TBC1D32: variants seen among roughly 807,000 people sequenced by gnomAD.
TBC1D32 encodes the protein TBC1 domain family member 32, also known as protein broad-minded.
Under a neutral mutation model 170.3 loss-of-function variants are expected in TBC1D32, and 151 were observed. That is an observed-to-expected ratio of 0.89 (90% CI 0.78 to 1.01). The LOEUF is 1.01. Ranked by LOEUF, TBC1D32 falls within the 50% of genes least tolerant of loss-of-function variation. The pLI, the probability that TBC1D32 is intolerant of heterozygous loss-of-function variation, is 0.00. For missense variants in TBC1D32, 1,464 were observed against 1,457.1 expected, an observed-to-expected ratio of 1.00 and a Z score of -0.08; for synonymous variants, 498 against 488.0, an observed-to-expected ratio of 1.02 and a Z score of -0.27.
intron 21 of TBC1D32, among the ~76,000 whole-genome samples, chr6:121,218,694 T>G (rs559351403): frequency 1.2e-4 from 19 of 152,264 alleles, no homozygotes; most frequent in African/African-American, 4.3e-4. Flanking sequence ...GAGAGATATA[T>G]CCTATTAGTT....
chr6:121,204,614 A>C (rs17083281), intron 22 of TBC1D32, among the ~76,000 whole-genome samples: 6,268 of 151,374 alleles, frequency 0.041, 626 homozygotes, highest in African/African-American at 0.13. Context: ...TAAAATGTCA[A>C]GGAATATGAA....
At chr6:121,257,639 G>C (rs1475680246) in intron 15 of TBC1D32, among the ~76,000 whole-genome samples, 1 of 152,110 alleles carries the variant, frequency 6.6e-6, no homozygotes, top group Non-Finnish European at 1.5e-5. Flanking sequence ...ATACTAACAA[G>C]TTGGTGTCCT....
intron 12 of TBC1D32, among the ~76,000 whole-genome samples, chr6:121,290,636 A>C (rs996601993): frequency 1.3e-5 from 2 of 152,290 alleles, no homozygotes; most frequent in East Asian, 1.9e-4. Flanking sequence ...TTGACCCAGC[A>C]GTCCCATTAC....
At chr6:121,198,226 AATATATATAAATATATATATT>A (rs1413778922) in intron 22 of TBC1D32, among the ~76,000 whole-genome samples, 64 of 59,340 alleles carry the variant, frequency 1.1e-3, no homozygotes, top group Middle Eastern at 0.023. Context: ...ATGTGTGTAT[AATATATATAAATATATATATT>A]ATATATATAT....
At chr6:121,110,118 G>A (rs1779060961) in intron 29 of TBC1D32, among the ~76,000 whole-genome samples, 1 of 151,656 alleles carries the variant, frequency 6.6e-6, no homozygotes, top group South Asian at 2.1e-4. Flanking sequence ...GGGCGTGGTG[G>A]CAGGCACCTG....
intron 20 of TBC1D32, among the ~76,000 whole-genome samples, chr6:121,228,720 G>A (rs1392415493): frequency 6.6e-6 from 1 of 152,046 alleles, no homozygotes; most frequent in South Asian, 2.1e-4. Context: ...TGCGTATTCT[G>A]TAGTCACCGA....
chr6:121,106,854 C>T (rs1417733512), intron 29 of TBC1D32, among the ~76,000 whole-genome samples: 1 of 151,846 alleles, frequency 6.6e-6, no homozygotes, highest in African/African-American at 2.4e-5. Context: ...TCTATATTTA[C>T]AAACATATTG....
intron 25 of TBC1D32, among the ~76,000 whole-genome samples, chr6:121,129,666 A>G (rs1781219020): frequency 6.6e-6 from 1 of 152,202 alleles, no homozygotes; most frequent in South Asian, 2.1e-4. Context: ...GAATACTTAA[A>G]GTAGTGGCAG....
intron 21 of TBC1D32, among the ~76,000 whole-genome samples, chr6:121,205,993 C>A (rs546676988): frequency 6.6e-6 from 1 of 152,178 alleles, no homozygotes; most frequent in African/African-American, 2.4e-5. Context: ...GGGCAGACCA[C>A]AAGGTCAGGA....
chr6:121,188,461 A>C (rs1291190441), intron 22 of TBC1D32, among the ~76,000 whole-genome samples: 2 of 152,194 alleles, frequency 1.3e-5, no homozygotes, highest in Non-Finnish European at 2.9e-5. Context: ...ATAGAGATTT[A>C]ATCAAGAATA....
chr6:121,150,636 G>T (rs1218048381), intron 24 of TBC1D32, among the ~76,000 whole-genome samples: 1 of 152,016 alleles, frequency 6.6e-6, no homozygotes, highest in South Asian at 2.1e-4. Flanking sequence ...CTGGTCCTGG[G>T]CTTATTTTGG....
chr6:121,230,253 C>T (rs1228708987), intron 20 of TBC1D32, among the ~76,000 whole-genome samples: 2 of 152,132 alleles, frequency 1.3e-5, no homozygotes, highest in African/African-American at 2.4e-5. Context: ...AATAGTTTTG[C>T]TTTCATATCC....
At chr6:121,209,663 C>G (rs1041830282) in intron 21 of TBC1D32, among the ~76,000 whole-genome samples, 11 of 152,176 alleles carry the variant, frequency 7.2e-5, no homozygotes, top group African/African-American at 2.7e-4. Context: ...TGTTCAGGGT[C>G]ACACAACTAG....
At chr6:121,214,957 G>C (rs1415397813) in intron 21 of TBC1D32, among the ~76,000 whole-genome samples, 3 of 152,184 alleles carry the variant, frequency 2.0e-5, no homozygotes, top group Non-Finnish European at 2.9e-5. Context: ...GCAGGCACCA[G>C]CCTGCATGTC....
chr6:121,279,595 T>C (rs1399466380), intron 14 of TBC1D32, among the ~76,000 whole-genome samples: 1 of 151,922 alleles, frequency 6.6e-6, no homozygotes, highest in East Asian at 1.9e-4. Context: ...CTCCTGAGTA[T>C]CCAATATAAT....
chr6:121,185,137 T>C (rs932691896), intron 22 of TBC1D32, among the ~76,000 whole-genome samples: 1 of 152,108 alleles, frequency 6.6e-6, no homozygotes. Context: ...ACCTGAAGTC[T>C]CATCTGTCTC....
intron 21 of TBC1D32, among the ~76,000 whole-genome samples, chr6:121,211,644 T>C (rs770003671): frequency 6.6e-6 from 1 of 152,212 alleles, no homozygotes; most frequent in Non-Finnish European, 1.5e-5. Context: ...ATGCCATTAT[T>C]TCATTCCTTT....
chr6:121,255,506 A>ATTTATACTTATAT lies in TBC1D32; in HGVS notation c.1936-97_1936-96insATATAAGTATAAA, dbSNP rs1563099593. 2.2e-5 allele frequency: 4 copies of ATTTATACTTATAT among 181,598 alleles called. 1 individual carries two copies. The highest frequency in any genetic ancestry group is 1.2e-4 in the African/African-American group (4 of 33,136). The allele number at this position is 181,598 out of a possible 1,614,324, so 11.2% of individuals were successfully genotyped here. A position where few individuals can be genotyped will look rare whatever the true frequency, so the allele number is the denominator to read the frequency against. On this transcript the variant is annotated intron_variant, in intron 16 of 31. Coordinates refer to ENST00000398212, the MANE Select transcript of TBC1D32 (RefSeq NM_152730.6). ...ATTTATAATTATATTTTATAATTATATTTATAATTATATTTTATATTTCTT... is the reference window on the plus strand; with the variant it reads ...ATTTATAATTATATTTTATAATTATATTTATACTTATATTTTATAATTATATTTTATATTTCTT...
At chr6:121,100,964 TACAA>T (rs1397797837) in intron 30 of TBC1D32, among the ~76,000 whole-genome samples, 4 of 151,864 alleles carry the variant, frequency 2.6e-5, no homozygotes, top group African/African-American at 9.7e-5. Context: ...AACAACTCTA[TACAA>T]ATAAACTAGA....
Sources: allele counts gnomAD v4.1 joint callset (sites outside exome capture counted in the v4.1 genomes callset), GRCh38; gene constraint gnomAD v4.1.1; transcripts MANE v1.5; gene names NCBI Gene and HGNC (gene_info 2026-07-23, HGNC 2026-07-21).